CGNL1: variants seen among roughly 807,000 people sequenced by gnomAD.
CGNL1 encodes cingulin like 1.
Under a neutral mutation model 141.2 loss-of-function variants are expected in CGNL1, and 132 were observed. That is an observed-to-expected ratio of 0.93 (90% CI 0.81 to 1.08). CGNL1 has a LOEUF of 1.08. Among genes scored for constraint, CGNL1 ranks in the 50% least tolerant of loss-of-function variants. The probability of loss-of-function intolerance (pLI) is 0.00; values close to 1 mark genes in which losing one functional copy is unlikely to be tolerated. For missense variants in CGNL1, 1,870 were observed against 1,588.6 expected, an observed-to-expected ratio of 1.18 and a Z score of -3.01; for synonymous variants, 690 against 622.1, an observed-to-expected ratio of 1.11 and a Z score of -1.63.
At chr15:57,486,707 A>C (rs2063789979) in intron 8 of CGNL1, among the ~76,000 whole-genome samples, 1 of 152,196 alleles carries the variant, frequency 6.6e-6, no homozygotes, top group Admixed American at 6.5e-5. Flanking sequence ...AAGTGGGATG[A>C]GGACTTCCAT....
At chr15:57,473,559 C>G (rs1400129526) in intron 8 of CGNL1, among the ~76,000 whole-genome samples, 1 of 152,152 alleles carries the variant, frequency 6.6e-6, no homozygotes, top group Non-Finnish European at 1.5e-5. Flanking sequence ...ATTTGTGTAA[C>G]TAATAGGATA....
chr15:57,518,518 T>A (rs1349257640), intron 10 of CGNL1, 21 bp downstream of exon 10: 1 of 1,518,164 alleles, frequency 6.6e-7, no homozygotes, highest in Non-Finnish European at 9.1e-7. Flanking sequence ...AGGGCTGTTG[T>A]CATTACTCCC....
chr15:57,474,147 G>T (rs2063621239), intron 8 of CGNL1, among the ~76,000 whole-genome samples: 1 of 151,948 alleles, frequency 6.6e-6, no homozygotes, highest in African/African-American at 2.4e-5. Flanking sequence ...TTAACCTCAG[G>T]TGATTCACCC....
chr15:57,522,507 AGT>A (rs1376059886), intron 10 of CGNL1, among the ~76,000 whole-genome samples: 8 of 152,202 alleles, frequency 5.3e-5, no homozygotes, highest in African/African-American at 1.4e-4. Flanking sequence ...CTGTTTCTGT[AGT>A]GGCCCAGTCA....
chr15:57,539,165 G>T (rs145356490), intron 14 of CGNL1, among the ~76,000 whole-genome samples: 2,677 of 152,086 alleles, frequency 0.018, 76 homozygotes, highest in African/African-American at 0.061. Flanking sequence ...TTTTTCAGGC[G>T]CACACTCCAC....
chr15:57,537,227 C>T (rs1344489167), intron 14 of CGNL1, among the ~76,000 whole-genome samples: 1 of 152,296 alleles, frequency 6.6e-6, no homozygotes, highest in African/African-American at 2.4e-5. Context: ...AATACCAACT[C>T]GAGCTTTGGG....
At chr15:57,432,565 T>C (rs567206580) in intron 1 of CGNL1, among the ~76,000 whole-genome samples, 262 of 152,346 alleles carry the variant, frequency 1.7e-3, no homozygotes, top group Non-Finnish European at 2.9e-3. Flanking sequence ...ATCCTGGCGA[T>C]TGATCAGCGT....
intron 8 of CGNL1, chr15:57,478,391 C>G (rs1010557607): frequency 6.6e-6 from 1 of 152,204 alleles, no homozygotes; most frequent in African/African-American, 2.4e-5. Context: ...AGTTCCGAAT[C>G]TTTTGCATCT....
intron 4 of CGNL1, among the ~76,000 whole-genome samples, chr15:57,445,842 A>G (rs755537699): frequency 1.3e-5 from 2 of 152,112 alleles, no homozygotes; most frequent in Non-Finnish European, 2.9e-5. Context: ...CTTTTGAGAG[A>G]ATCATCATGT....
At chr15:57,532,880 T>C (rs558714563) in intron 14 of CGNL1, among the ~76,000 whole-genome samples, 2 of 152,206 alleles carry the variant, frequency 1.3e-5, no homozygotes, top group South Asian at 4.1e-4. Context: ...ACTTCCACTT[T>C]CTGCCTTATG....
intron 8 of CGNL1, among the ~76,000 whole-genome samples, chr15:57,495,647 T>C (rs936889932): frequency 1.3e-5 from 2 of 152,210 alleles, no homozygotes; most frequent in African/African-American, 4.8e-5. Flanking sequence ...TTTCAAGCTC[T>C]ACATATGAGA....
intron 1 of CGNL1, among the ~76,000 whole-genome samples, chr15:57,407,614 C>T (rs541282718): frequency 2.5e-4 from 38 of 152,108 alleles, no homozygotes; most frequent in Non-Finnish European, 2.8e-4. Flanking sequence ...TTGAGGCTAC[C>T]GTGAACTGTG....
chr15:57,498,289 G>A (rs1315246870), intron 8 of CGNL1, among the ~76,000 whole-genome samples: 1 of 96,884 alleles, frequency 1.0e-5, no homozygotes, highest in African/African-American at 4.0e-5. Flanking sequence ...TCACCCTGTT[G>A]CCCAGGCTGG....
At chr15:57,460,072 T>C (rs1402868133) in intron 7 of CGNL1, among the ~76,000 whole-genome samples, 1 of 152,104 alleles carries the variant, frequency 6.6e-6, no homozygotes, top group Non-Finnish European at 1.5e-5. Context: ...GAGATCATCA[T>C]AGATTTTGGG....
intron 1 of CGNL1, among the ~76,000 whole-genome samples, chr15:57,381,982 G>A (rs1264484561): frequency 6.6e-6 from 1 of 152,200 alleles, no homozygotes; most frequent in Non-Finnish European, 1.5e-5. Context: ...TTAGAGAGAC[G>A]TGATTTCCAC....
intron 8 of CGNL1, among the ~76,000 whole-genome samples, chr15:57,507,943 A>T (rs999600562): frequency 1.3e-5 from 2 of 152,208 alleles, no homozygotes; most frequent in Admixed American, 6.5e-5. Context: ...AAGTGAAGGC[A>T]GATAGAAGTT....
At chr15:57,480,334 A>T (rs1397600273) in intron 8 of CGNL1, among the ~76,000 whole-genome samples, 1 of 134,696 alleles carries the variant, frequency 7.4e-6, no homozygotes, top group Non-Finnish European at 1.5e-5. Context: ...CCTGGCCAAC[A>T]TAGTAAAACC....
chr15:57,546,448 A>G (rs2032873315), intron 18 of CGNL1, among the ~76,000 whole-genome samples: 1 of 152,212 alleles, frequency 6.6e-6, no homozygotes, highest in Non-Finnish European at 1.5e-5. Flanking sequence ...TCTTATACCA[A>G]TGCCCCAATG....
intron 8 of CGNL1, among the ~76,000 whole-genome samples, chr15:57,494,476 A>G (rs2063908939): frequency 6.6e-6 from 1 of 152,108 alleles, no homozygotes; most frequent in Admixed American, 6.5e-5. Flanking sequence ...TTCAGCATTT[A>G]ACACCCTTCA....
Sources: allele counts gnomAD v4.1 joint callset (sites outside exome capture counted in the v4.1 genomes callset), GRCh38; gene constraint gnomAD v4.1.1; transcripts MANE v1.5; gene names NCBI Gene and HGNC (gene_info 2026-07-23, HGNC 2026-07-21).